ARFGEF2: variants seen among roughly 807,000 people sequenced by gnomAD.
ARFGEF2 encodes the protein ARF guanine nucleotide exchange factor 2.
ARFGEF2 carries 74 observed loss-of-function variants against 219.9 expected under a neutral mutation model. The ratio of observed to expected loss-of-function variants is 0.34; its 90% CI spans 0.28 to 0.41. The LOEUF (loss-of-function observed/expected upper bound fraction) is 0.41. Among genes scored for constraint, ARFGEF2 ranks in the 10% least tolerant of loss-of-function variants. The probability of loss-of-function intolerance (pLI) is 1.00; values close to 1 mark genes in which losing one functional copy is unlikely to be tolerated. For missense variants in ARFGEF2, 1,743 were observed against 2,218.3 expected (o/e 0.79, Z 4.30); for synonymous variants, 733 against 799.2 (o/e 0.92, Z 1.40).
At chr20:48,955,864 G>A (rs1163378465) in intron 6 of ARFGEF2, among the ~76,000 whole-genome samples, 1 of 152,222 alleles carries the variant, frequency 6.6e-6, no homozygotes, top group Non-Finnish European at 1.5e-5. Context: ...CTTGAGGCCA[G>A]GAGTTTGAGG....
Position 48,952,756 on chromosome 20 carries a change from A to C in ARFGEF2, c.475A>C (p.Ile159Leu), listed in dbSNP as rs980743787. The change falls in exon 5 of 39, where the codon ATC becomes CTC. Residue 159 changes from isoleucine to leucine, a missense_variant. Physicochemically the swap from Ile to Leu is conservative, Grantham distance 5. Transcript: ENST00000371917. ...SPHIEIHEGT[I>L]LQTVRTCYNI... is the part of the protein sequence containing the mutation. ...ACACATTGAAATTCATGAGGGTACT[A>C]TCCTGCAGACAGTGAGAACATGTTA... 1.9e-6 allele frequency: 3 copies of C among 1,614,242 alleles called. No individual in the cohort carries two copies. Among genetic ancestry groups the C allele is most frequent in the East Asian group, 2.2e-5 (1 of 44,888 alleles).
intron 27 of ARFGEF2, 68 bp from the exon 28 acceptor site, chr20:49,011,856 C>T (rs1432463520): frequency 2.0e-6 from 3 of 1,498,682 alleles, no homozygotes; most frequent in Non-Finnish European, 2.8e-6. Flanking sequence ...TGTGTGCACG[C>T]ACGTGCATTT....
chr20:48,966,402 C>T (rs534047893), intron 8 of ARFGEF2, among the ~76,000 whole-genome samples: 1 of 152,278 alleles, frequency 6.6e-6, no homozygotes. Context: ...ATAGATTGCC[C>T]TTGTTAACAT....
At chr20:48,959,138 A>G (rs2091123227) in intron 6 of ARFGEF2, among the ~76,000 whole-genome samples, 1 of 152,198 alleles carries the variant, frequency 6.6e-6, no homozygotes, top group East Asian at 1.9e-4. Flanking sequence ...GGTACTTGCC[A>G]GTCACCACTC....
Position 48,921,796 on chromosome 20 carries a change from C to A in ARFGEF2, c.-94C>A, listed in dbSNP as rs2273101. On this transcript the variant is annotated 5_prime_UTR_variant, in exon 1 of 39. Coordinates refer to ENST00000371917, the MANE Select transcript of ARFGEF2 (RefSeq NM_006420.3). Reference sequence around the variant, plus strand: ...ACGGGGCGGCGCGGACGGACGCGGCCGGTGCCGGCCGGGACGCCGGGCCCG... The same window carrying A: ...ACGGGGCGGCGCGGACGGACGCGGCAGGTGCCGGCCGGGACGCCGGGCCCG... 10 of 1,179,194 alleles carry A rather than the reference C, an allele frequency of 8.5e-6. 1 individual carries two copies. The South Asian group carries it at 3.2e-4, about 37-fold the overall frequency. 73.0% of individuals were successfully genotyped at this position (1,179,194 alleles called of 1,614,324 possible).
Position 48,972,325 on chromosome 20 carries a change from G to A in ARFGEF2, c.1426-1G>A, listed in dbSNP as rs957920609. 1 of 1,604,948 alleles carries A rather than the reference G, an allele frequency of 6.2e-7. No individual in the cohort carries two copies. Among genetic ancestry groups the A allele is most frequent in the African/African-American group, 1.3e-5 (1 of 74,714 alleles). Reference sequence around the variant, plus strand: ...TCCTCCTTTGTCTTTATGTCATATAGGTCTTTTTCAAAGAGATTTTCCTGA... The same window carrying A: ...TCCTCCTTTGTCTTTATGTCATATAAGTCTTTTTCAAAGAGATTTTCCTGA... On this transcript the variant is annotated splice_acceptor_variant, in intron 10 of 38. Transcript: ENST00000371917. LOFTEE classifies it high-confidence loss of function.
At chr20:48,976,764 C>T (rs1267287498) in intron 14 of ARFGEF2, among the ~76,000 whole-genome samples, 7 of 151,990 alleles carry the variant, frequency 4.6e-5, no homozygotes, top group East Asian at 1.9e-4. Context: ...GCAGAGATTG[C>T]GCCACTGCAC....
rs2091663301 is a variant in ARFGEF2 at position 49,035,877 on chromosome 20, AAT to A, written c.*2683_*2684del. ...TTTCTGATACGCATCTTTAGAGTCAAATATATCTTTTCCCTGTACTCCTCATG... is the reference window on the plus strand; with the variant it reads ...TTTCTGATACGCATCTTTAGAGTCAAATATCTTTTCCCTGTACTCCTCATG... On this transcript the variant is annotated 3_prime_UTR_variant, in exon 39 of 39. Coordinates refer to ENST00000371917, the MANE Select transcript of ARFGEF2 (RefSeq NM_006420.3). 6.6e-6 allele frequency: 2 copies of A among 302,956 alleles called. No individual in the cohort carries two copies. The highest frequency in any genetic ancestry group is 1.0e-4 in the Admixed American group (2 of 19,868). 18.8% of individuals were successfully genotyped at this position (302,956 alleles called of 1,614,324 possible). A position where few individuals can be genotyped will look rare whatever the true frequency, so the allele number is the denominator to read the frequency against.
intron 3 of ARFGEF2, 51 bp downstream of exon 3, chr20:48,942,038 T>C (rs374055845): frequency 1.2e-6 from 2 of 1,611,426 alleles, no homozygotes; most frequent in African/African-American, 1.3e-5. Flanking sequence ...CAAGCCACAG[T>C]TGGTCCTTAC....
intron 16 of ARFGEF2, among the ~76,000 whole-genome samples, chr20:48,988,088 A>G (rs1218817397): frequency 6.6e-6 from 1 of 152,062 alleles, no homozygotes; most frequent in Non-Finnish European, 1.5e-5. Flanking sequence ...ACGCCCTGCC[A>G]AAGAAGCTAA....
chr20:49,011,485 A>G (rs1376276068), intron 27 of ARFGEF2, among the ~76,000 whole-genome samples: 1 of 152,246 alleles, frequency 6.6e-6, no homozygotes, highest in South Asian at 2.1e-4. Flanking sequence ...GTTTCGATGT[A>G]GTGGAACCAG....
At position 49,030,128 on chromosome 20, in the gene ARFGEF2, T is replaced by C. The variant is rs1049284490; in HGVS notation, c.5063+1460T>C. On this transcript the variant is annotated intron_variant, in intron 37 of 38. Transcript: ENST00000371917. ...TTTCACGATATTGGCCAGGATGGTC[T>C]TGAACTCCTGACCTCGTGATCCCCC... Among the ~76,000 whole-genome samples the C allele has an allele frequency of 5.9e-5, 9 of 151,582 alleles. No homozygotes were observed. The South Asian group carries it at 1.0e-3, about 18-fold the overall frequency.
At chr20:48,942,762 T>A (rs1196812948) in intron 3 of ARFGEF2, among the ~76,000 whole-genome samples, 1 of 152,112 alleles carries the variant, frequency 6.6e-6, no homozygotes, top group Non-Finnish European at 1.5e-5. Context: ...ATAGAGACAG[T>A]TGAATCTGTT....
At chr20:48,991,273 T>C (rs1329172797) in intron 21 of ARFGEF2, 75 bp downstream of exon 21, 38 of 1,589,620 alleles carry the variant, frequency 2.4e-5, no homozygotes, top group Non-Finnish European at 3.2e-5. Flanking sequence ...TTGATCTCAT[T>C]TGGTCAGTTC....
intron 8 of ARFGEF2, among the ~76,000 whole-genome samples, chr20:48,967,200 C>G (rs1055550681): frequency 6.6e-6 from 1 of 152,118 alleles, no homozygotes; most frequent in Non-Finnish European, 1.5e-5. Context: ...ACAAGGGACT[C>G]GTGTTATATG....
rs763294569 is a variant in ARFGEF2, at chr20:49,023,139, G to A, written c.4713G>A (p.Ala1571=). 1.8e-5 allele frequency: 29 copies of A among 1,614,022 alleles called. No individual in the cohort carries two copies. The highest frequency in any genetic ancestry group is 2.0e-5 in the Non-Finnish European group (24 of 1,180,034). ...TTGACAACATTGTGTTCTACCCTGC[G>A]ACGAGCAAAAAGGAGGATGCAGAGC... ...QTIDNIVFYP[A]TSKKEDAEHM... The change falls in exon 35 of 39, where the codon GCG becomes GCA. Residue 1571 remains alanine (A), a synonymous_variant. Coordinates refer to ENST00000371917, the MANE Select transcript of ARFGEF2 (RefSeq NM_006420.3).
intron 34 of ARFGEF2, among the ~76,000 whole-genome samples, chr20:49,019,906 G>A (rs1342351095): frequency 1.3e-5 from 2 of 151,966 alleles, no homozygotes; most frequent in African/African-American, 2.4e-5. Flanking sequence ...AATTATTTTT[G>A]CCAAATTGTC....
At position 49,028,472 on chromosome 20, in the gene ARFGEF2, A is replaced by G. The variant is rs1600561384; in HGVS notation, c.4925-58A>G. ...AAAATAACTAGATTTCTAGTCATAC[A>G]CAGTTATCAGCATTATCTTAGAAAT... On this transcript the variant is annotated intron_variant, in intron 36 of 38. Transcript: ENST00000371917. The G allele has an allele frequency of 1.8e-5, 28 of 1,538,540 alleles. No individual in the cohort carries two copies. In the East Asian group the frequency reaches 6.1e-4, roughly 33 times the overall value.
chr20:49,004,511 A>G (rs191028092), intron 25 of ARFGEF2, among the ~76,000 whole-genome samples: 1 of 152,036 alleles, frequency 6.6e-6, no homozygotes, highest in East Asian at 1.9e-4. Flanking sequence ...AAAAGAAAAG[A>G]AAAAAATAGG....
Sources: gnomAD v4.1 joint callset for allele counts (sites outside exome capture counted in the v4.1 genomes callset) on GRCh38, gnomAD v4.1.1 for gene constraint, MANE v1.5 for transcripts, NCBI Gene and HGNC (gene_info 2026-07-23, HGNC 2026-07-21) for gene names.